BANP: variants seen among roughly 807,000 people sequenced by gnomAD.
BANP encodes the protein protein BANP.
Under a neutral mutation model 68.1 loss-of-function variants are expected in BANP, and 11 were observed. That is an observed-to-expected ratio of 0.16 (90% CI 0.10 to 0.27). BANP has a LOEUF of 0.27. Ranked by LOEUF, BANP falls within the 10% of genes least tolerant of loss-of-function variation. BANP has a pLI of 1.00. For synonymous variants in BANP, 329 were observed against 303.2 expected, an observed-to-expected ratio of 1.09 and a Z score of -0.88; for missense variants, 504 against 722.7, an observed-to-expected ratio of 0.70 and a Z score of 3.47.
intron 6 of BANP, among the ~76,000 whole-genome samples, chr16:88,008,993 G>C (rs1357189417): frequency 6.6e-6 from 1 of 152,214 alleles, no homozygotes; most frequent in Non-Finnish European, 1.5e-5. Context: ...ATATCTGCTT[G>C]AGCTGCCTTA....
chr16:87,987,659 T>C (rs369476026), intron 4 of BANP, among the ~76,000 whole-genome samples: 2 of 128,734 alleles, frequency 1.6e-5, no homozygotes, highest in South Asian at 2.4e-4. Context: ...AGGGTGAGAC[T>C]ATGGTGAGCT....
intron 6 of BANP, among the ~76,000 whole-genome samples, chr16:88,008,898 A>G (rs2072119298): frequency 6.6e-6 from 1 of 152,214 alleles, no homozygotes; most frequent in African/African-American, 2.4e-5. Flanking sequence ...TTCTCATCCC[A>G]TTAGGAGGAA....
At chr16:88,006,382 C>T in intron 6 of BANP, 117 bp downstream of exon 6, 3 of 1,237,124 alleles carry the variant, frequency 2.4e-6, no homozygotes, top group Non-Finnish European at 3.3e-6. Context: ...CGCGGTGGCT[C>T]ACGCCTGTAA....
intron 1 of BANP, among the ~76,000 whole-genome samples, chr16:87,965,862 A>G (rs57164665): frequency 0.24 from 36,914 of 152,088 alleles, 5,000 homozygotes; most frequent in East Asian, 0.49. Context: ...GGCCTACGGA[A>G]TAAGGCCTAT....
chr16:88,076,602 C>G lies in BANP; in HGVS notation c.1534C>G (p.Leu512Val), dbSNP rs755316093. The change falls in exon 14 of 14, where the codon CTG (leucine) becomes GTG (valine). Residue 512 changes from leucine to valine, a missense_variant. By Grantham distance (32) the Leu-to-Val change is conservative. This residue lies in a region of BANP where 223 missense variants were observed against 246.2 expected (regional missense o/e 0.91). Coordinates refer to ENST00000682872, the MANE Select transcript of BANP (RefSeq NM_001386991.1). ...CTCCCTTTTGCAGACGGCCGAAGCC[C>G]TGCAGCCCACGCTACAGCCGGAGAT... ...HTAGAQTAEALQPTLQPEMQL... is the reference protein window; with the variant it reads ...HTAGAQTAEAVQPTLQPEMQL... The G allele has an allele frequency of 8.1e-6, 13 of 1,612,406 alleles. No homozygotes were observed. Among genetic ancestry groups the G allele is most frequent in the Middle Eastern group, 3.3e-4 (2 of 6,078 alleles).
intron 6 of BANP, among the ~76,000 whole-genome samples, chr16:88,017,808 A>G (rs1358982622): frequency 6.6e-6 from 1 of 152,234 alleles, no homozygotes; most frequent in Non-Finnish European, 1.5e-5. Context: ...CTGACAGTGC[A>G]GAACGTGGCG....
chr16:88,023,910 G>A (rs1365091356), intron 7 of BANP, among the ~76,000 whole-genome samples: 1 of 152,238 alleles, frequency 6.6e-6, no homozygotes, highest in East Asian at 1.9e-4. Context: ...AGGGGCCTCG[G>A]TTGGTGTAGT....
chr16:88,050,238 C>T (rs1432720309), intron 11 of BANP, among the ~76,000 whole-genome samples: 4 of 152,224 alleles, frequency 2.6e-5, no homozygotes, highest in Admixed American at 2.6e-4. Flanking sequence ...CTTACTGCAG[C>T]CTCTGCCTCC....
intron 7 of BANP, among the ~76,000 whole-genome samples, chr16:88,019,890 C>T (rs568230099): frequency 3.9e-5 from 6 of 152,276 alleles, no homozygotes; most frequent in African/African-American, 1.2e-4. Context: ...GGGTGTCGTG[C>T]TGACTGCAGG....
chr16:88,022,574 C>T (rs147700064), intron 7 of BANP, among the ~76,000 whole-genome samples: 3,268 of 152,282 alleles, frequency 0.021, 102 homozygotes, highest in African/African-American at 0.071. Flanking sequence ...TGCAGGTGTG[C>T]GACCTGGCCC....
At position 88,004,764 on chromosome 16, in the gene BANP, GCAAA is replaced by G. The variant is rs921821444; in HGVS notation, c.479+356_479+359del. Reference sequence around the variant, plus strand: ...CGTCTGTCTGTGCAGAGCGTGTCAGGCAAACAGACGCCCTCTCCCACGGTTGCTA... The same window carrying G: ...CGTCTGTCTGTGCAGAGCGTGTCAGGCAGACGCCCTCTCCCACGGTTGCTA... On this transcript the variant is annotated intron_variant, in intron 5 of 13. Coordinates refer to ENST00000682872, the MANE Select transcript of BANP (RefSeq NM_001386991.1). This position sits in a 1 kb window ranked among gnomAD's most constrained non-coding sequence, Gnocchi z 7.0. 1.3e-5 allele frequency among the ~76,000 whole-genome samples: 2 copies of G among 152,240 alleles called. No individual in the cohort carries two copies. Among genetic ancestry groups the G allele is most frequent in the African/African-American group, 4.8e-5 (2 of 41,456 alleles).
intron 12 of BANP, among the ~76,000 whole-genome samples, chr16:88,070,325 C>G (rs1224660683): frequency 6.6e-6 from 1 of 152,106 alleles, no homozygotes; most frequent in African/African-American, 2.4e-5. Flanking sequence ...GGGACCATGT[C>G]GGGCTGGCAT....
At chr16:88,023,572 T>C (rs2076410194) in intron 7 of BANP, among the ~76,000 whole-genome samples, 1 of 152,118 alleles carries the variant, frequency 6.6e-6, no homozygotes, top group African/African-American at 2.4e-5. Context: ...GAGAGTGTGT[T>C]AGCAGGTGGG....
intron 6 of BANP, among the ~76,000 whole-genome samples, chr16:88,009,686 CTG>C (rs1451732767): frequency 6.6e-6 from 1 of 151,744 alleles, no homozygotes; most frequent in Non-Finnish European, 1.5e-5. Flanking sequence ...GAACAGTAGA[CTG>C]TGTCTCATTA....
intron 11 of BANP, among the ~76,000 whole-genome samples, chr16:88,038,333 C>T (rs567547820): frequency 6.6e-6 from 1 of 152,160 alleles, no homozygotes; most frequent in Admixed American, 6.5e-5. Context: ...TCAGTGTGAG[C>T]CCCAGAGCAG....
chr16:88,064,518 C>A lies in BANP; in HGVS notation c.1312-749C>A, dbSNP rs116073667. ...CCCACGGACAGATGCTCCCAGGATG[C>A]GGCTAGGCGTCCAGGCCAGCATCGG... On this transcript the variant is annotated intron_variant, in intron 11 of 13. Coordinates refer to ENST00000682872, the MANE Select transcript of BANP (RefSeq NM_001386991.1). The surrounding 1 kb of genome is among the most constrained non-coding windows in gnomAD (Gnocchi z 4.5). 0.014 allele frequency among the ~76,000 whole-genome samples: 2,171 copies of A among 152,366 alleles called. 58 individuals are homozygous for A. The highest frequency in any genetic ancestry group is 0.05 in the African/African-American group (2,071 of 41,584).
intron 8 of BANP, among the ~76,000 whole-genome samples, chr16:88,029,610 CAAAA>C (rs60313647): frequency 1.7e-5 from 2 of 119,034 alleles, no homozygotes; most frequent in Non-Finnish European, 1.6e-5. Flanking sequence ...GACTCCGTCT[CAAAA>C]AAAAAAAAAA....
chr16:88,062,807 G>A (rs1055850559), intron 11 of BANP, among the ~76,000 whole-genome samples: 8 of 152,180 alleles, frequency 5.3e-5, no homozygotes, highest in East Asian at 1.9e-4. Flanking sequence ...GCACTAAGTC[G>A]GAATTCGGCC....
At chr16:87,987,177 C>T (rs898764394) in intron 4 of BANP, among the ~76,000 whole-genome samples, 1 of 152,096 alleles carries the variant, frequency 6.6e-6, no homozygotes, top group African/African-American at 2.4e-5. Context: ...CTCCCAGGCT[C>T]AAGCAATTCT....
Sources: allele counts gnomAD v4.1 joint callset (sites outside exome capture counted in the v4.1 genomes callset), GRCh38; gene constraint gnomAD v4.1.1; regional missense constraint gnomAD v4.1.1; non-coding constraint Gnocchi (gnomAD v3.1); transcripts MANE v1.5; gene names NCBI Gene and HGNC (gene_info 2026-07-23, HGNC 2026-07-21).